The following GBX2 variants were observed in gnomAD, a reference collection of about 807,000 sequenced individuals.
GBX2 encodes gastrulation brain homeobox 2.
GBX2 carries 5 observed loss-of-function variants against 22.4 expected under a neutral mutation model. The observed-to-expected ratio is 0.22, with a 90% CI of 0.12 to 0.47. GBX2 has a LOEUF of 0.47. Ranked by LOEUF, GBX2 falls within the 20% of genes least tolerant of loss-of-function variation. The pLI is 0.99. For missense variants in GBX2, 470 were observed against 495.4 expected (o/e 0.95, Z 0.49); for synonymous variants, 220 against 230.5 (o/e 0.95, Z 0.41).
chr2:236,167,628 G>C lies in GBX2; in HGVS notation c.344C>G (p.Ser115Trp). The change falls in exon 1 of 2, where the codon TCG becomes TGG. Residue 115 changes from serine (S) to tryptophan (W), a missense_variant. Transcript: ENST00000306318. ...MATLPGGFSASPQHQEAAAAR... is the reference protein window; with the variant it reads ...MATLPGGFSAWPQHQEAAAAR... ...CGCTGCCGCCTCCTGGTGCTGGGGCGACGCGGAGAAGCCGCCGGGGAGCGT... is the reference window on the plus strand; with the variant it reads ...CGCTGCCGCCTCCTGGTGCTGGGGCCACGCGGAGAAGCCGCCGGGGAGCGT... 1.3e-6 allele frequency: 2 copies of C among 1,593,724 alleles called. No homozygotes were observed. Among genetic ancestry groups the C allele is most frequent in the South Asian group, 2.2e-5 (2 of 89,666 alleles).
rs2060238748 is a variant in GBX2, at chr2:236,166,287, C to T, written c.674G>A (p.Gly225Asp). 6.2e-7 allele frequency: 1 copy of T among 1,613,692 alleles called. No homozygotes were observed. Among genetic ancestry groups the T allele is most frequent in the African/African-American group, 1.3e-5 (1 of 74,936 alleles). ...CGGCGGGGTCTCCTCCAGCGCGTGG[C>T]CCGGGTCTTCCTCCTTGTGAGCTGC... ...GQAAHKEEDPGHALEETPPSS... is the reference protein window; with the variant it reads ...GQAAHKEEDPDHALEETPPSS... The change falls in exon 2 of 2, where the codon GGC becomes GAC. Residue 225 changes from glycine to aspartate, a missense_variant. Physicochemically the swap from Gly to Asp is moderately conservative, Grantham distance 94. Around this residue, in one of 4 missense-constraint regions of GBX2, gnomAD observed 377 missense variants for 358.6 expected, o/e 1.05. Coordinates refer to ENST00000306318, the MANE Select transcript of GBX2 (RefSeq NM_001485.4). The surrounding 1 kb of genome is among the most constrained non-coding windows in gnomAD (Gnocchi z 6.6).
chr2:236,167,458 C>T lies in GBX2; in HGVS notation c.514G>A (p.Ala172Thr), dbSNP rs1052437471. 6.4e-7 allele frequency: 1 copy of T among 1,574,360 alleles called. No individual in the cohort carries two copies. Residue 172 changes from alanine to threonine, a missense_variant, in exon 1 of 2, where the codon GCT becomes ACT. This residue lies in a region of GBX2 where 377 missense variants were observed against 358.6 expected (regional missense o/e 1.05). Coordinates refer to ENST00000306318, the MANE Select transcript of GBX2 (RefSeq NM_001485.4). ...CGCGCCGCCGACTCACCGAGCGAAGCCTGCACCGTCTCGGCCGCGGAGAAG... is the reference window on the plus strand; with the variant it reads ...CGCGCCGCCGACTCACCGAGCGAAGTCTGCACCGTCTCGGCCGCGGAGAAG... ...LAFSAAETVQ[A>T]SLVGAVRGQG...
downstream of GBX2, among the ~76,000 whole-genome samples, chr2:236,162,595 G>C (rs976800793): frequency 1.3e-5 from 2 of 152,154 alleles, no homozygotes; most frequent in Admixed American, 1.3e-4. Context: ...GCTTGCCAGG[G>C]AGCAAAGGCA....
downstream of GBX2, among the ~76,000 whole-genome samples, chr2:236,164,082 AC>A (rs2060224707): frequency 6.6e-6 from 1 of 152,108 alleles, no homozygotes; most frequent in Admixed American, 6.5e-5. Context: ...CCCAGCCTTC[AC>A]CCTGCGCCTG....
At position 236,167,794 on chromosome 2, in the gene GBX2, G is replaced by T; in HGVS notation, c.178C>A (p.Pro60Thr). Residue 60 changes from proline to threonine, a missense_variant, in exon 1 of 2, where the codon CCG becomes ACG. By Grantham distance (38) the Pro-to-Thr change is conservative. Coordinates refer to ENST00000306318, the MANE Select transcript of GBX2 (RefSeq NM_001485.4). ...YRPVVLPPPPPPPPALPQAAL... is the reference protein window; with the variant it reads ...YRPVVLPPPPTPPPALPQAAL... ...GCCTGGGGCAGCGCGGGCGGCGGCG[G>T]CGGCGGCGGCGGCAGCACTACCGGC... 1 of 1,404,006 alleles carries T rather than the reference G, an allele frequency of 7.1e-7. No individual in the cohort carries two copies. 87.0% of individuals were successfully genotyped at this position (1,404,006 alleles called of 1,614,324 possible).
intron 1 of GBX2, chr2:236,167,152 C>A (rs995040431): frequency 4.6e-6 from 7 of 1,535,646 alleles, no homozygotes; most frequent in Non-Finnish European, 6.1e-6. Context: ...AACCCCAGGT[C>A]ACCGCGGAGC....
chr2:236,168,008 T>C lies in GBX2; in HGVS notation c.-37A>G, dbSNP rs745457415. Reference sequence around the variant, plus strand: ...GTAGAGGCCAGCGAGAGGCGAAAAGTCCCCGCGCCGCGCCGCCGCCGGGAA... The same window carrying C: ...GTAGAGGCCAGCGAGAGGCGAAAAGCCCCCGCGCCGCGCCGCCGCCGGGAA... On this transcript the variant is annotated 5_prime_UTR_variant, in exon 1 of 2. Coordinates refer to ENST00000306318, the MANE Select transcript of GBX2 (RefSeq NM_001485.4). 4 of 1,417,468 alleles carry C rather than the reference T, an allele frequency of 2.8e-6. No individual in the cohort carries two copies. The African/African-American group carries it at 4.6e-5, about 16-fold the overall frequency. The allele number at this position is 1,417,468 out of a possible 1,614,324, so 87.8% of individuals were successfully genotyped here.
At position 236,166,258 on chromosome 2, in the gene GBX2, T is replaced by TG; in HGVS notation, c.702dup (p.Ser235GlnfsTer88). ...GACGTGGTGCTGCCCGCGGCGCCGC[T>TG]GCTCGGCGGGGTCTCCTCCAGCGCG... On this transcript the variant is annotated frameshift_variant, in exon 2 of 2. Coordinates refer to ENST00000306318, the MANE Select transcript of GBX2 (RefSeq NM_001485.4). LOFTEE classifies it high-confidence loss of function. This position sits in a 1 kb window ranked among gnomAD's most constrained non-coding sequence, Gnocchi z 6.6. 6.2e-7 allele frequency: 1 copy of TG among 1,613,638 alleles called. No homozygotes were observed. Among genetic ancestry groups the TG allele is most frequent in the Non-Finnish European group, 8.5e-7 (1 of 1,179,952 alleles).
chr2:236,166,528 CG>C lies in GBX2; in HGVS notation c.524-92del. On this transcript the variant is annotated intron_variant, in intron 1 of 1. Transcript: ENST00000306318. This position sits in a 1 kb window ranked among gnomAD's most constrained non-coding sequence, Gnocchi z 6.6. ...CGTCATTTGGACATTCCGCGCCCCC[CG>C]CCCCCCACCCTTTAGCGGATTGTCT... is the stretch of plus-strand genomic sequence containing the variant. 8.9e-7 allele frequency: 1 copy of C among 1,124,730 alleles called. No individual in the cohort carries two copies. Among genetic ancestry groups the C allele is most frequent in the African/African-American group, 1.5e-5 (1 of 65,320 alleles). 69.7% of individuals were successfully genotyped at this position (1,124,730 alleles called of 1,614,324 possible). A position where few individuals can be genotyped will look rare whatever the true frequency, so the allele number is the denominator to read the frequency against.
In GBX2 at chr2:236,165,682, T is replaced by C; in HGVS notation, c.*232A>G. The C allele has an allele frequency of 1.9e-6, 1 of 526,198 alleles. No individual in the cohort carries two copies. 32.6% of individuals were successfully genotyped at this position (526,198 alleles called of 1,614,324 possible). On this transcript the variant is annotated 3_prime_UTR_variant, in exon 2 of 2. Transcript: ENST00000306318. The stretch of plus-strand genomic sequence containing the variant: ...CTGAGATCCAGTCTATAGAGATATT[T>C]ATGTACAAAGTAGGATAGTATAATA...
rs1349464821 is a variant in GBX2, at chr2:236,166,242, C to T, written c.719G>A (p.Ser240Asn). The change falls in exon 2 of 2, where the codon AGC becomes AAC. Residue 240 changes from serine (S) to asparagine (N), a missense_variant. Physicochemically the swap from Ser to Asn is conservative, Grantham distance 46. Around this residue, in one of 4 missense-constraint regions of GBX2, gnomAD observed 377 missense variants for 358.6 expected, o/e 1.05. Coordinates refer to ENST00000306318, the MANE Select transcript of GBX2 (RefSeq NM_001485.4). This position sits in a 1 kb window ranked among gnomAD's most constrained non-coding sequence, Gnocchi z 6.6. ...CCGGTTCTTGCCCGTAGACGTGGTGCTGCCCGCGGCGCCGCTGCTCGGCGG... is the reference window on the plus strand; with the variant it reads ...CCGGTTCTTGCCCGTAGACGTGGTGTTGCCCGCGGCGCCGCTGCTCGGCGG... ...ETPPSSGAAG[S>N]TTSTGKNRRR... 1.2e-6 allele frequency: 2 copies of T among 1,613,454 alleles called. No homozygotes were observed. The highest frequency in any genetic ancestry group is 3.3e-5 in the Admixed American group (2 of 59,988).
chr2:236,167,247 C>G (rs913113568), intron 1 of GBX2: 18 of 1,466,452 alleles, frequency 1.2e-5, no homozygotes, highest in Admixed American at 3.9e-5. Context: ...AAACGCCCCC[C>G]CTCCCGAGAC....
chr2:236,167,406 T>C (rs2060246593), intron 1 of GBX2, 43 bp downstream of exon 1: 2 of 1,338,098 alleles, frequency 1.5e-6, no homozygotes, highest in Non-Finnish European at 9.7e-7. Context: ...CGCCCCCGCC[T>C]CCTCCCGCCC....
At chr2:236,162,824 A>T (rs573664785), downstream of GBX2, among the ~76,000 whole-genome samples, 1 of 152,382 alleles carries the variant, frequency 6.6e-6, no homozygotes, top group Admixed American at 6.5e-5. Flanking sequence ...TAAAGCCGGC[A>T]GCCAAAGGGG....
chr2:236,167,846 G>A lies in GBX2; in HGVS notation c.126C>T (p.Thr42=). 2.0e-6 allele frequency: 3 copies of A among 1,513,088 alleles called. No homozygotes were observed. The highest frequency in any genetic ancestry group is 1.3e-5 in the South Asian group (1 of 79,660). 93.7% of individuals were successfully genotyped at this position (1,513,088 alleles called of 1,614,324 possible). Reference sequence around the variant, plus strand: ...GGTAGGGCATGAACATGGGGTAGCCGGTGTAGACGAAATGGCCGGGGCTGG... The same window carrying A: ...GGTAGGGCATGAACATGGGGTAGCCAGTGTAGACGAAATGGCCGGGGCTGG... ...PQPSPGHFVY[T]GYPMFMPYRP... is the part of the protein sequence containing the mutation. Residue 42 remains threonine (T), a synonymous_variant, in exon 1 of 2, where the codon ACC becomes ACT. Transcript: ENST00000306318.
At position 236,166,704 on chromosome 2, in the gene GBX2, G is replaced by A. The variant is rs1167952806; in HGVS notation, c.524-267C>T. Among the ~76,000 whole-genome samples the A allele has an allele frequency of 6.6e-6, 1 of 151,966 alleles. No homozygotes were observed. Among genetic ancestry groups the A allele is most frequent in the African/African-American group, 2.4e-5 (1 of 41,342 alleles). On this transcript the variant is annotated intron_variant, in intron 1 of 1. Coordinates refer to ENST00000306318, the MANE Select transcript of GBX2 (RefSeq NM_001485.4). This position sits in a 1 kb window ranked among gnomAD's most constrained non-coding sequence, Gnocchi z 6.6. Reference sequence around the variant, plus strand: ...CTCAAAGGGCCGCCATGCCTCCCCCGCACCCTCCCAGCCTCGGCAGCGTCA... The same window carrying A: ...CTCAAAGGGCCGCCATGCCTCCCCCACACCCTCCCAGCCTCGGCAGCGTCA...
downstream of GBX2, among the ~76,000 whole-genome samples, chr2:236,164,544 C>T (rs1409538384): frequency 3.9e-5 from 6 of 152,098 alleles, no homozygotes; most frequent in African/African-American, 9.7e-5. Context: ...CCTTGCAGAC[C>T]GACTCCCAGC....
chr2:236,165,566 C>T lies in GBX2; in HGVS notation c.*348G>A, dbSNP rs1576381558. The T allele has an allele frequency of 5.0e-6, 1 of 199,444 alleles. No homozygotes were observed. The highest frequency in any genetic ancestry group is 1.5e-4 in the South Asian group (1 of 6,840). The allele number at this position is 199,444 out of a possible 1,614,324, so 12.4% of individuals were successfully genotyped here. A position where few individuals can be genotyped will look rare whatever the true frequency, so the allele number is the denominator to read the frequency against. Reference sequence around the variant, plus strand: ...AAAGTATGGAAAGGTGGCTGCTAACCGCGCAGATTACAGCAGAGGTTTTGT... The same window carrying T: ...AAAGTATGGAAAGGTGGCTGCTAACTGCGCAGATTACAGCAGAGGTTTTGT... On this transcript the variant is annotated 3_prime_UTR_variant, in exon 2 of 2. Coordinates refer to ENST00000306318, the MANE Select transcript of GBX2 (RefSeq NM_001485.4).
In GBX2 at chr2:236,167,665, T is replaced by C. The variant is rs1386285435; in HGVS notation, c.307A>G (p.Thr103Ala). 6.3e-7 allele frequency: 1 copy of C among 1,589,514 alleles called. No homozygotes were observed. Among genetic ancestry groups the C allele is most frequent in the Non-Finnish European group, 8.5e-7 (1 of 1,173,190 alleles). Residue 103 changes from threonine to alanine, a missense_variant, in exon 1 of 2, where the codon ACG becomes GCG. Thr to Ala is a moderately conservative substitution (Grantham distance 58). Transcript: ENST00000306318. ...CCGCCGGGGAGCGTGGCCATGAGCGTAGAGGTGAGCGCCATGCCCTGCGCC... is the reference window on the plus strand; with the variant it reads ...CCGCCGGGGAGCGTGGCCATGAGCGCAGAGGTGAGCGCCATGCCCTGCGCC... ...SLAQGMALTS[T>A]LMATLPGGFS...
Sources: gnomAD v4.1 joint callset for allele counts (sites outside exome capture counted in the v4.1 genomes callset) on GRCh38, gnomAD v4.1.1 for gene constraint, gnomAD v4.1.1 regional missense constraint, Gnocchi (gnomAD v3.1) non-coding constraint, MANE v1.5 for transcripts, NCBI Gene and HGNC (gene_info 2026-07-23, HGNC 2026-07-21) for gene names.